The following TMEM182 variants were observed in gnomAD, a reference collection of about 807,000 sequenced individuals.
TMEM182 encodes transmembrane protein 182.
TMEM182 carries 20 observed loss-of-function variants against 26.8 expected under a neutral mutation model. That is an observed-to-expected ratio of 0.75 (90% CI 0.53 to 1.09). The LOEUF (loss-of-function observed/expected upper bound fraction) is 1.09. Among genes scored for constraint, TMEM182 ranks in the 50% least tolerant of loss-of-function variants. The pLI is 0.00. For synonymous variants in TMEM182, 109 were observed against 102.2 expected (o/e 1.07, Z -0.40); for missense variants, 277 against 275.5 (o/e 1.01, Z -0.04).
intron 3 of TMEM182, among the ~76,000 whole-genome samples, chr2:102,782,549 C>A (rs895980411): frequency 7.2e-5 from 11 of 152,066 alleles, no homozygotes; most frequent in Non-Finnish European, 1.5e-4. Context: ...AATCTTAATA[C>A]ACTACCTCAT....
Position 102,843,053 on chromosome 2 carries a change from T to A in TMEM182, c.326-359T>A, listed in dbSNP as rs79847729. ...GGAGAGATCCTGAGATCAGATGTCA[T>A]GGACAGGTAGTCACATGAACATGAA... On this transcript the variant is annotated intron_variant, in intron 3 of 3. Coordinates refer to the TMEM182 transcript ENST00000486293. 2.6e-3 allele frequency among the ~76,000 whole-genome samples: 398 copies of A among 152,302 alleles called. 15 individuals carry two copies. In the East Asian group the frequency reaches 0.069, roughly 26 times the overall value.
chr2:102,840,639 A>G (rs1031203789), intron 3 of TMEM182, among the ~76,000 whole-genome samples: 2 of 152,206 alleles, frequency 1.3e-5, no homozygotes, highest in Non-Finnish European at 2.9e-5. Flanking sequence ...AAAAAAGAAC[A>G]TTTGACAGAC....
At chr2:102,762,737 A>G (rs1305567046) in intron 2 of TMEM182, 51 bp downstream of exon 2, 2 of 1,448,208 alleles carry the variant, frequency 1.4e-6, no homozygotes, top group Non-Finnish European at 1.9e-6. Flanking sequence ...ATAAAAATGA[A>G]CAGTTTCTTA....
intron 3 of TMEM182, among the ~76,000 whole-genome samples, chr2:102,831,490 T>C (rs1573579281): frequency 6.6e-6 from 1 of 152,138 alleles, no homozygotes; most frequent in Non-Finnish European, 1.5e-5. Flanking sequence ...GGCATGGTGG[T>C]TCATGCCTGT....
intron 3 of TMEM182, among the ~76,000 whole-genome samples, chr2:102,765,761 C>T (rs1262578716): frequency 6.6e-6 from 1 of 152,166 alleles, no homozygotes; most frequent in Non-Finnish European, 1.5e-5. Context: ...CACAGCTGTG[C>T]TTGTCCACCA....
chr2:102,737,602 G>A lies in TMEM182; in HGVS notation c.-83+589G>A, dbSNP rs1017965073. Among the ~76,000 whole-genome samples, 25 of 152,176 alleles carry A rather than the reference G, an allele frequency of 1.6e-4. 1 individual carries two copies. On this transcript the variant is annotated intron_variant, in intron 1 of 5. Coordinates refer to the TMEM182 transcript ENST00000409173. ...TGAGAAGAGTGGAAAGAAGATATGT[G>A]TGGCTGAAACTTCCTCATCAAACTG...
intron 1 of TMEM182, among the ~76,000 whole-genome samples, chr2:102,756,409 A>G (rs1680033937): frequency 1.3e-5 from 2 of 152,164 alleles, no homozygotes; most frequent in African/African-American, 4.8e-5. Flanking sequence ...CATTTTCCAT[A>G]TTAAAAAACA....
chr2:102,792,983 C>A (rs1459874811), intron 3 of TMEM182, among the ~76,000 whole-genome samples: 1 of 152,160 alleles, frequency 6.6e-6, no homozygotes, highest in Non-Finnish European at 1.5e-5. Flanking sequence ...TTTCTTGCAT[C>A]CCCTCCACTG....
chr2:102,747,566 A>G (rs1036646951), intron 1 of TMEM182, among the ~76,000 whole-genome samples: 2 of 152,040 alleles, frequency 1.3e-5, no homozygotes, highest in Non-Finnish European at 1.5e-5. Flanking sequence ...TTAGTCAGGT[A>G]GGTATATAGT....
At chr2:102,775,256 T>A (rs1234499213) in intron 3 of TMEM182, 2 of 152,142 alleles carry the variant, frequency 1.3e-5, no homozygotes, top group East Asian at 3.8e-4. Context: ...ATAAATGTAA[T>A]CCAGCATATA....
intron 1 of TMEM182, among the ~76,000 whole-genome samples, chr2:102,741,437 A>G (rs968770946): frequency 2.6e-5 from 4 of 152,194 alleles, no homozygotes; most frequent in African/African-American, 4.8e-5. Context: ...GCATTTAACA[A>G]TACATCCAGG....
chr2:102,797,854 G>A lies in TMEM182; in HGVS notation c.332-9G>A. The A allele has an allele frequency of 1.2e-6, 2 of 1,605,962 alleles. No homozygotes were observed. Among genetic ancestry groups the A allele is most frequent in the Non-Finnish European group, 1.7e-6 (2 of 1,177,954 alleles). On this transcript the variant is annotated splice_polypyrimidine_tract_variant and intron_variant, in intron 3 of 4. Coordinates refer to ENST00000412401, the MANE Select transcript of TMEM182 (RefSeq NM_144632.5). ...TCTTTCTTTTCTCTTTTCCTCCTGG[G>A]GTCTCCAGTTTACCGTGGTTTCTGG... is the stretch of plus-strand genomic sequence containing the variant.
chr2:102,829,416 G>T (rs1683107289), intron 3 of TMEM182, among the ~76,000 whole-genome samples: 1 of 152,182 alleles, frequency 6.6e-6, no homozygotes, highest in Non-Finnish European at 1.5e-5. Flanking sequence ...AAGAAAGGTG[G>T]GTTGGGCAGT....
intron 1 of TMEM182, among the ~76,000 whole-genome samples, chr2:102,756,283 G>A (rs966631351): frequency 6.6e-6 from 1 of 152,100 alleles, no homozygotes; most frequent in Non-Finnish European, 1.5e-5. Context: ...TAATTTCTTT[G>A]TCAGAAATGT....
intron 3 of TMEM182, among the ~76,000 whole-genome samples, chr2:102,839,648 A>G (rs1364295233): frequency 6.6e-6 from 1 of 152,072 alleles, no homozygotes; most frequent in Non-Finnish European, 1.5e-5. Flanking sequence ...TATGACCAAC[A>G]TGACTTTTTA....
intron 3 of TMEM182, among the ~76,000 whole-genome samples, chr2:102,823,056 C>T (rs2104768659): frequency 6.6e-6 from 1 of 152,192 alleles, no homozygotes; most frequent in East Asian, 1.9e-4. Context: ...AATAAGATCC[C>T]CAAGAGTCAA....
At chr2:102,843,709 C>T (rs1179598186) in exon 4 of TMEM182, 1 of 152,232 alleles carries the variant, frequency 6.6e-6, no homozygotes, top group Non-Finnish European at 1.5e-5. Flanking sequence ...TTCTGTACTA[C>T]TCTTCTTTCC....
rs962213649 is a variant in TMEM182 at position 102,816,345 on chromosome 2, G to A, written c.*1377G>A. On this transcript the variant is annotated 3_prime_UTR_variant, in exon 5 of 5. Transcript: ENST00000412401. ...ACCACCCAGAAGATGCTCTGGGATAGAGGAACTGCTCCTTTTCATCAGCTC... is the reference window on the plus strand; with the variant it reads ...ACCACCCAGAAGATGCTCTGGGATAAAGGAACTGCTCCTTTTCATCAGCTC... 32 of 985,270 alleles carry A rather than the reference G, an allele frequency of 3.2e-5. 1 individual carries two copies. Among genetic ancestry groups the A allele is most frequent in the Non-Finnish European group, 3.9e-5 (32 of 829,928 alleles). 61.0% of individuals were successfully genotyped at this position (985,270 alleles called of 1,614,324 possible). A position where few individuals can be genotyped will look rare whatever the true frequency, so the allele number is the denominator to read the frequency against.
chr2:102,751,653 T>G (rs1052055992), intron 1 of TMEM182, among the ~76,000 whole-genome samples: 11 of 152,110 alleles, frequency 7.2e-5, no homozygotes, highest in African/African-American at 2.4e-4. Context: ...GCTACATAAC[T>G]TCTTCTTAAC....
Sources: allele counts gnomAD v4.1 joint callset (sites outside exome capture counted in the v4.1 genomes callset), GRCh38; gene constraint gnomAD v4.1.1; transcripts MANE v1.5; gene names NCBI Gene and HGNC (gene_info 2026-07-23, HGNC 2026-07-21).